The following SYNE1 variants were observed in gnomAD, a reference collection of about 807,000 sequenced individuals.
SYNE1 encodes the protein nesprin-1.
Under a neutral mutation model 1,111.0 loss-of-function variants are expected in SYNE1, and 616 were observed. The ratio of observed to expected loss-of-function variants is 0.55; its 90% CI spans 0.52 to 0.59. The LOEUF is 0.59. Ranked by LOEUF, SYNE1 falls within the 20% of genes least tolerant of loss-of-function variation. The pLI, the probability that SYNE1 is intolerant of heterozygous loss-of-function variation, is 0.00. For missense variants in SYNE1, 10,006 were observed against 10,417.0 expected (o/e 0.96, Z 1.72); for synonymous variants, 3,855 against 3,825.8 (o/e 1.01, Z -0.28).
Position 152,449,440 on chromosome 6 carries a change from C to T in SYNE1, c.3504+93G>A. The T allele has an allele frequency of 1.2e-5, 12 of 981,732 alleles. No homozygotes were observed. The South Asian group carries it at 1.7e-4, about 14-fold the overall frequency. 60.8% of individuals were successfully genotyped at this position (981,732 alleles called of 1,614,324 possible). On this transcript the variant is annotated intron_variant, in intron 28 of 145. Coordinates refer to ENST00000367255, the MANE Select transcript of SYNE1 (RefSeq NM_182961.4). ...AATTTTCAAGAACTTATTTTTTTTC[C>T]AGAAAGAAAAAAGCAGAGAACCGTT...
intron 140 of SYNE1, among the ~76,000 whole-genome samples, chr6:152,139,265 T>C (rs1238097440): frequency 6.6e-6 from 1 of 152,152 alleles, no homozygotes; most frequent in Non-Finnish European, 1.5e-5. Context: ...GGTCCCCTTT[T>C]CTGCCCTTGA....
chr6:152,430,334 C>T (rs2098417479), intron 35 of SYNE1, 124 bp from the exon 36 acceptor site: 1 of 1,123,632 alleles, frequency 8.9e-7, no homozygotes, highest in Non-Finnish European at 1.3e-6. Context: ...TTATAAAATG[C>T]ATTCTTTAAA....
At position 152,136,680 on chromosome 6, in the gene SYNE1, G is replaced by A. The variant is rs768373014; in HGVS notation, c.25597C>T (p.Arg8533Ter). 1 of 1,614,124 alleles carries A rather than the reference G, an allele frequency of 6.2e-7. No individual in the cohort carries two copies. The highest frequency in any genetic ancestry group is 1.7e-5 in the Admixed American group (1 of 60,022). Residue 8533 changes from arginine (R) to a stop codon, truncating the protein, a stop_gained, in exon 141 of 146, where the codon CGA becomes TGA. Transcript: ENST00000367255. LOFTEE classifies it high-confidence loss of function. ...RLSQMNGRWD[R>*]VCSLLEEWRG... ...CACTCCTCCAGCAGAGAGCACACTC[G>A]GTCCCAGCGCCCATTCATCTGCGAC...
At chr6:152,338,422 G>T (rs2096455247) in intron 75 of SYNE1, among the ~76,000 whole-genome samples, 1 of 152,046 alleles carries the variant, frequency 6.6e-6, no homozygotes, top group African/African-American at 2.4e-5. Context: ...AGGAGTTCGA[G>T]ACCAGCCTGG....
chr6:152,605,038 GA>G (rs1565142585), intron 3 of SYNE1, among the ~76,000 whole-genome samples: 9 of 36,672 alleles, frequency 2.5e-4, no homozygotes, highest in East Asian at 7.4e-4. Context: ...GAGAGAGAGG[GA>G]GGGAGGGAGG....
rs955489392 is a variant in SYNE1, at chr6:152,148,618, C to T, written c.24643-240G>A. 2.6e-5 allele frequency among the ~76,000 whole-genome samples: 4 copies of T among 151,460 alleles called. No individual in the cohort carries two copies. Among genetic ancestry groups the T allele is most frequent in the Admixed American group, 1.3e-4 (2 of 15,188 alleles). ...GATAAGGAACTTAATTCCTCTGGGCCTCAGTTTTCTCATCTATAAAATGGG... is the reference window on the plus strand; with the variant it reads ...GATAAGGAACTTAATTCCTCTGGGCTTCAGTTTTCTCATCTATAAAATGGG... On this transcript the variant is annotated intron_variant, in intron 136 of 145. Transcript: ENST00000367255. The surrounding 1 kb of genome is among the most constrained non-coding windows in gnomAD (Gnocchi z 4.1).
At chr6:152,415,436 TC>T (rs1263529832) in intron 41 of SYNE1, among the ~76,000 whole-genome samples, 1 of 152,132 alleles carries the variant, frequency 6.6e-6, no homozygotes, top group Non-Finnish European at 1.5e-5. Flanking sequence ...TTCATCACCT[TC>T]CTAAGCTCCC....
At chr6:152,254,137 T>C (rs2090223290) in intron 104 of SYNE1, among the ~76,000 whole-genome samples, 1 of 151,274 alleles carries the variant, frequency 6.6e-6, no homozygotes, top group African/African-American at 2.4e-5. Context: ...GAAAGTAACG[T>C]AACACATTTT....
chr6:152,462,708 G>T (rs369448940), intron 20 of SYNE1, 30 bp downstream of exon 20: 3 of 1,613,454 alleles, frequency 1.9e-6, no homozygotes, highest in Non-Finnish European at 2.5e-6. Context: ...AACAGAGTAG[G>T]CTTTTCATTT....
intron 8 of SYNE1, among the ~76,000 whole-genome samples, chr6:152,506,522 C>CATG (rs1554824172): frequency 6.6e-6 from 1 of 151,250 alleles, no homozygotes; most frequent in Non-Finnish European, 1.5e-5. Flanking sequence ...TGTAAGTGTC[C>CATG]ATTATTATTA....
intron 59 of SYNE1, 125 bp from the exon 60 acceptor site, chr6:152,369,739 T>C: frequency 8.4e-7 from 1 of 1,194,230 alleles, no homozygotes; most frequent in Admixed American, 2.0e-5. Context: ...TCCCAGCACT[T>C]TGGGTGGCCG....
At chr6:152,404,033 T>C (rs2097857207) in intron 46 of SYNE1, among the ~76,000 whole-genome samples, 180 bp downstream of exon 46, 1 of 150,992 alleles carries the variant, frequency 6.6e-6, no homozygotes, top group African/African-American at 2.4e-5. Flanking sequence ...TATATATATA[T>C]GAGATACATA....
rs752890670 is a variant in SYNE1 at position 152,367,153 on chromosome 6, A to G, written c.9972+65T>C. 1.9e-6 allele frequency: 3 copies of G among 1,595,080 alleles called. No homozygotes were observed. The East Asian group carries it at 6.7e-5, about 36-fold the overall frequency. On this transcript the variant is annotated intron_variant, in intron 62 of 145. Coordinates refer to ENST00000367255, the MANE Select transcript of SYNE1 (RefSeq NM_182961.4). ...TGACATCATCACCCCAGGTGGATGGAGACGGGAAATTTTGAGAAAAACAAA... is the reference window on the plus strand; with the variant it reads ...TGACATCATCACCCCAGGTGGATGGGGACGGGAAATTTTGAGAAAAACAAA...
chr6:152,195,572 G>A (rs79612840), intron 127 of SYNE1, among the ~76,000 whole-genome samples: 13,471 of 152,280 alleles, frequency 0.088, 721 homozygotes, highest in African/African-American at 0.15. Flanking sequence ...AACCACCTTG[G>A]TGGTCTTGGA....
At chr6:152,355,775 T>C (rs1047502398) in intron 66 of SYNE1, among the ~76,000 whole-genome samples, 1 of 152,144 alleles carries the variant, frequency 6.6e-6, no homozygotes. Context: ...TCAAATCCCA[T>C]CAACAATGTT....
At position 152,161,305 on chromosome 6, in the gene SYNE1, T is replaced by G. The variant is rs1163206439; in HGVS notation, c.23790+2858A>C. Among the ~76,000 whole-genome samples the G allele has an allele frequency of 2.0e-5, 3 of 148,532 alleles. No individual in the cohort carries two copies. The East Asian group carries it at 5.9e-4, about 29-fold the overall frequency. ...ATATTACATTACTACTATGGTAATT[T>G]TCTCCTCTCTATTTTCTTTATTTTT... On this transcript the variant is annotated intron_variant, in intron 131 of 145. Coordinates refer to ENST00000367255, the MANE Select transcript of SYNE1 (RefSeq NM_182961.4).
intron 21 of SYNE1, among the ~76,000 whole-genome samples, chr6:152,460,797 ATCTTTTTTT>A (rs1321836367): frequency 3.1e-5 from 4 of 127,308 alleles, no homozygotes; most frequent in Non-Finnish European, 6.3e-5. Flanking sequence ...AATGTATATA[ATCTTTTTTT>A]TTTTTTTTTT....
chr6:152,539,988 G>A lies in SYNE1; in HGVS notation c.101C>T (p.Thr34Ile). 1.9e-6 allele frequency: 3 copies of A among 1,613,882 alleles called. No individual in the cohort carries two copies. Among genetic ancestry groups the A allele is most frequent in the Non-Finnish European group, 2.5e-6 (3 of 1,179,892 alleles). ...EQEIVQKRTF[T>I]KWINSHLAKR... ...GGCCAGATGAGAGTTGATCCATTTTGTGAAAGTTCGTTTTTGTACTATCTC... is the reference window on the plus strand; with the variant it reads ...GGCCAGATGAGAGTTGATCCATTTTATGAAAGTTCGTTTTTGTACTATCTC... The change falls in exon 4 of 146, where the codon ACA becomes ATA. Residue 34 changes from threonine to isoleucine, a missense_variant. Around this residue, in one of 7 missense-constraint regions of SYNE1, gnomAD observed 1,971 missense variants for 2,084.1 expected, o/e 0.95. Transcript: ENST00000367255.
chr6:152,388,617 G>A (rs138238491), intron 53 of SYNE1, among the ~76,000 whole-genome samples: 294 of 152,246 alleles, frequency 1.9e-3, no homozygotes, highest in African/African-American at 6.4e-3. Context: ...ACTCCACAAT[G>A]TGTTTTGAAA....
Sources: gnomAD v4.1 joint callset for allele counts (sites outside exome capture counted in the v4.1 genomes callset) on GRCh38, gnomAD v4.1.1 for gene constraint, gnomAD v4.1.1 regional missense constraint, Gnocchi (gnomAD v3.1) non-coding constraint, MANE v1.5 for transcripts, NCBI Gene and HGNC (gene_info 2026-07-23, HGNC 2026-07-21) for gene names.